Variants in TRPS1 observed in about 807,000 individuals in gnomAD.
TRPS1 encodes the protein zinc finger transcription factor Trps1.
In TRPS1, 6 loss-of-function variants were observed where a neutral mutation model predicts 101.2. The ratio of observed to expected loss-of-function variants is 0.06; its 90% CI spans 0.03 to 0.12. TRPS1 has a LOEUF of 0.12. Ranked by LOEUF, TRPS1 falls within the 10% of genes least tolerant of loss-of-function variation. TRPS1 has a pLI of 1.00. For missense variants in TRPS1, 1,363 were observed against 1,567.0 expected (o/e 0.87, Z 2.20); for synonymous variants, 578 against 589.8 (o/e 0.98, Z 0.29).
At chr8:115,548,868 TA>T (rs1816639741) in intron 5 of TRPS1, among the ~76,000 whole-genome samples, 1 of 152,204 alleles carries the variant, frequency 6.6e-6, no homozygotes, top group Non-Finnish European at 1.5e-5. Context: ...TTCTGATTGC[TA>T]ACAATTAAAA....
chr8:115,625,173 T>C (rs1225424373), intron 1 of TRPS1, among the ~76,000 whole-genome samples: 1 of 151,926 alleles, frequency 6.6e-6, no homozygotes, highest in African/African-American at 2.4e-5. Flanking sequence ...ATAAATTCTA[T>C]ATTCTTTGTA....
chr8:115,451,707 T>C (rs1218723519), intron 5 of TRPS1, among the ~76,000 whole-genome samples: 1 of 152,170 alleles, frequency 6.6e-6, no homozygotes, highest in African/African-American at 2.4e-5. Flanking sequence ...AAGATACCCT[T>C]TGCAGAAAAA....
intron 5 of TRPS1, among the ~76,000 whole-genome samples, chr8:115,574,636 C>T (rs1817275893): frequency 6.6e-6 from 1 of 152,072 alleles, no homozygotes; most frequent in Non-Finnish European, 1.5e-5. Flanking sequence ...TCAGTTTGTG[C>T]ACCAAACACT....
At chr8:115,464,234 A>G (rs771912158) in intron 5 of TRPS1, among the ~76,000 whole-genome samples, 2 of 152,126 alleles carry the variant, frequency 1.3e-5, no homozygotes, top group Non-Finnish European at 2.9e-5. Flanking sequence ...TTGCACTGAA[A>G]TATTATTTTA....
chr8:115,523,867 G>C (rs748208082), intron 5 of TRPS1, among the ~76,000 whole-genome samples: 48 of 152,220 alleles, frequency 3.2e-4, no homozygotes, highest in Middle Eastern at 3.4e-3. Flanking sequence ...TGGCCAACTG[G>C]AAGGCTGACA....
At chr8:115,453,366 T>G (rs752965959) in intron 5 of TRPS1, among the ~76,000 whole-genome samples, 1 of 152,156 alleles carries the variant, frequency 6.6e-6, no homozygotes, top group Non-Finnish European at 1.5e-5. Context: ...CAGCTGAGCG[T>G]TTACTGACAA....
intron 5 of TRPS1, among the ~76,000 whole-genome samples, chr8:115,550,576 T>C (rs894464339): frequency 3.3e-5 from 5 of 152,178 alleles, no homozygotes; most frequent in Non-Finnish European, 7.3e-5. Flanking sequence ...TTGGAGTTGA[T>C]CAATCTAGAA....
At chr8:115,589,716 G>A (rs976891875) in intron 4 of TRPS1, among the ~76,000 whole-genome samples, 1 of 152,090 alleles carries the variant, frequency 6.6e-6, no homozygotes, top group East Asian at 1.9e-4. Flanking sequence ...CAATGTCAAG[G>A]CCAGAAAATT....
rs764387571 is a variant in TRPS1, at chr8:115,414,368, C to T, written c.3540G>A (p.Ala1180=). ...GSDNDIPLDL[A]IKHSRPGPTA... The stretch of plus-strand genomic sequence containing the variant: ...TTGGCCCAGGTCTGGAATGCTTGAT[C>T]GCCAAATCTAGAGGAATGTCATTGT... Residue 1180 remains alanine, a synonymous_variant, in exon 7 of 7, where the codon GCG becomes GCA. Transcript: ENST00000395715. The surrounding 1 kb of genome is among the most constrained non-coding windows in gnomAD (Gnocchi z 4.8). The T allele has an allele frequency of 7.4e-6, 12 of 1,613,752 alleles. No individual in the cohort carries two copies. Among genetic ancestry groups the T allele is most frequent in the Non-Finnish European group, 1.0e-5 (12 of 1,179,948 alleles).
chr8:115,606,714 A>G (rs922077098), intron 3 of TRPS1, among the ~76,000 whole-genome samples: 3 of 151,944 alleles, frequency 2.0e-5, no homozygotes, highest in African/African-American at 4.8e-5. Flanking sequence ...GCACTGAAAT[A>G]TAATTCATAA....
Position 115,533,434 on chromosome 8 carries a change from C to CTTTTTTTTTTTTTTT in TRPS1, c.2700+53566_2700+53567insAAAAAAAAAAAAAAA, listed in dbSNP as rs1427634638. 1.9e-4 allele frequency among the ~76,000 whole-genome samples: 6 copies of CTTTTTTTTTTTTTTT among 32,340 alleles called. 1 individual carries two copies. The highest frequency in any genetic ancestry group is 2.4e-4 in the Non-Finnish European group (4 of 16,774). 21.2% of individuals were successfully genotyped at this position (32,340 alleles called of 152,430 possible). A position where few individuals can be genotyped will look rare whatever the true frequency, so the allele number is the denominator to read the frequency against. On this transcript the variant is annotated intron_variant, in intron 5 of 6. Transcript: ENST00000395715. ...AAGGGGCCCGCTTCCCACATGTAATCTGTTTTTTTTTTTTTTTTTTTTTTT... is the reference window on the plus strand; with the variant it reads ...AAGGGGCCCGCTTCCCACATGTAATCTTTTTTTTTTTTTTTTGTTTTTTTTTTTTTTTTTTTTTTT...
chr8:115,444,388 T>A (rs1813680441), intron 5 of TRPS1, among the ~76,000 whole-genome samples: 1 of 152,208 alleles, frequency 6.6e-6, no homozygotes. Context: ...TCAATACATT[T>A]TCGTTAAATA....
At chr8:115,556,249 A>G (rs575488162) in intron 5 of TRPS1, among the ~76,000 whole-genome samples, 1 of 152,108 alleles carries the variant, frequency 6.6e-6, no homozygotes, top group African/African-American at 2.4e-5. Context: ...ACAGAATGAC[A>G]AAACTATTTT....
chr8:115,642,264 A>G (rs1213812774), intron 1 of TRPS1, among the ~76,000 whole-genome samples: 1 of 150,046 alleles, frequency 6.7e-6, no homozygotes, highest in Non-Finnish European at 1.5e-5. Flanking sequence ...ATATATATAC[A>G]CACATACACA....
chr8:115,603,844 T>C, intron 4 of TRPS1, 29 bp downstream of exon 4: 1 of 1,612,764 alleles, frequency 6.2e-7, no homozygotes, highest in Non-Finnish European at 8.5e-7. Context: ...ATTTGTATAT[T>C]CCTCCCGACC....
At chr8:115,643,776 T>G (rs1309982601) in intron 1 of TRPS1, among the ~76,000 whole-genome samples, 1 of 152,230 alleles carries the variant, frequency 6.6e-6, no homozygotes, top group African/African-American at 2.4e-5. Context: ...CAACTCACTT[T>G]GTCCAGATCC....
intron 5 of TRPS1, among the ~76,000 whole-genome samples, chr8:115,562,914 G>GTGTGTGTGTGTGTT (rs1277987766): frequency 6.6e-6 from 1 of 150,764 alleles, no homozygotes; most frequent in African/African-American, 2.5e-5. Flanking sequence ...GTGTGTGTGT[G>GTGTGTGTGTGTGTT]TGTGTGTGTG....
chr8:115,568,598 G>A (rs896871011), intron 5 of TRPS1, among the ~76,000 whole-genome samples: 10 of 151,888 alleles, frequency 6.6e-5, no homozygotes, highest in Admixed American at 1.3e-4. Flanking sequence ...GATATAAAAC[G>A]TGCCACTGCT....
At chr8:115,557,784 C>A (rs960872852) in intron 5 of TRPS1, among the ~76,000 whole-genome samples, 1 of 152,114 alleles carries the variant, frequency 6.6e-6, no homozygotes, top group African/African-American at 2.4e-5. Flanking sequence ...AGAAGAGGTG[C>A]AAACATGACC....
Sources: gnomAD v4.1 joint callset for allele counts (sites outside exome capture counted in the v4.1 genomes callset) on GRCh38, gnomAD v4.1.1 for gene constraint, Gnocchi (gnomAD v3.1) non-coding constraint, MANE v1.5 for transcripts, NCBI Gene and HGNC (gene_info 2026-07-23, HGNC 2026-07-21) for gene names.